Variants in BMPR1A observed in about 807,000 individuals in gnomAD.
BMPR1A encodes the protein bone morphogenetic protein receptor type 1A.
BMPR1A carries 7 observed loss-of-function variants against 66.0 expected under a neutral mutation model. That is an observed-to-expected ratio of 0.11 (90% CI 0.06 to 0.20). BMPR1A has a LOEUF of 0.20. Among genes scored for constraint, BMPR1A ranks in the 10% least tolerant of loss-of-function variants. The pLI, the probability that BMPR1A is intolerant of heterozygous loss-of-function variation, is 1.00. For synonymous variants in BMPR1A, 200 were observed against 229.7 expected (o/e 0.87, Z 1.17); for missense variants, 408 against 669.1 (o/e 0.61, Z 4.31).
chr10:86,846,579 T>A lies in BMPR1A; in HGVS notation c.-153+7600T>A, dbSNP rs140078045. 4.5e-3 allele frequency among the ~76,000 whole-genome samples: 686 copies of A among 152,226 alleles called. 4 individuals are homozygous for A. Among genetic ancestry groups the A allele is most frequent in the African/African-American group, 0.016 (650 of 41,522 alleles). ...AGCCGGGCATGGTGGTACATGCCTGTAATCCTAGCTACTCGGGAGGCTGAG... is the reference window on the plus strand; with the variant it reads ...AGCCGGGCATGGTGGTACATGCCTGAAATCCTAGCTACTCGGGAGGCTGAG... On this transcript the variant is annotated intron_variant, in intron 2 of 12. Transcript: ENST00000372037.
chr10:86,810,820 T>A (rs1363159697), intron 1 of BMPR1A, among the ~76,000 whole-genome samples: 1 of 152,244 alleles, frequency 6.6e-6, no homozygotes, highest in Admixed American at 6.5e-5. Flanking sequence ...ATCAGTTACA[T>A]GATTTACAAA....
At position 86,925,796 on chromosome 10, in the gene BMPR1A, C is replaced by T. The variant is rs909504755; in HGVS notation, c.*2077C>T. 3 of 146,612 alleles carry T rather than the reference C, an allele frequency of 2.0e-5. No homozygotes were observed. Among genetic ancestry groups the T allele is most frequent in the South Asian group, 2.4e-4 (1 of 4,230 alleles). 9.1% of individuals were successfully genotyped at this position (146,612 alleles called of 1,614,324 possible). On this transcript the variant is annotated 3_prime_UTR_variant, in exon 13 of 13. Transcript: ENST00000372037. The stretch of plus-strand genomic sequence containing the variant: ...ACTGCGGACTGCAGTGGCGCAATCT[C>T]GGCTCACTGCAAGCTCCGCTTCCCG...
chr10:86,896,495 A>G (rs897678091), intron 5 of BMPR1A, among the ~76,000 whole-genome samples: 27 of 152,192 alleles, frequency 1.8e-4, no homozygotes, highest in Non-Finnish European at 7.4e-5. Flanking sequence ...ACAGTTATAT[A>G]TTACTTTAGG....
chr10:86,872,615 T>C (rs1355686435), intron 2 of BMPR1A, among the ~76,000 whole-genome samples: 1 of 152,108 alleles, frequency 6.6e-6, no homozygotes, highest in African/African-American at 2.4e-5. Flanking sequence ...GCTATTATTT[T>C]ATATGAGTTC....
intron 4 of BMPR1A, among the ~76,000 whole-genome samples, chr10:86,890,774 T>A (rs1564715026): frequency 6.6e-6 from 1 of 152,186 alleles, no homozygotes; most frequent in Non-Finnish European, 1.5e-5. Flanking sequence ...CAGATATATA[T>A]AAATCATATT....
At chr10:86,891,036 G>A (rs1432543452) in intron 4 of BMPR1A, among the ~76,000 whole-genome samples, 3 of 152,154 alleles carry the variant, frequency 2.0e-5, no homozygotes, top group African/African-American at 7.2e-5. Flanking sequence ...AATAATGAAT[G>A]TCATGTTTTA....
At chr10:86,901,870 AT>A (rs1843315048) in intron 7 of BMPR1A, among the ~76,000 whole-genome samples, 1 of 149,378 alleles carries the variant, frequency 6.7e-6, no homozygotes. Context: ...TATTTTATTT[AT>A]TTATTTATTT....
chr10:86,846,899 A>G (rs1175424771), intron 2 of BMPR1A, among the ~76,000 whole-genome samples: 1 of 152,082 alleles, frequency 6.6e-6, no homozygotes, highest in Non-Finnish European at 1.5e-5. Flanking sequence ...TAAAGATACT[A>G]TTATTTTTTC....
At chr10:86,780,176 TTTGAG>T (rs1488813761) in intron 1 of BMPR1A, among the ~76,000 whole-genome samples, 1 of 152,194 alleles carries the variant, frequency 6.6e-6, no homozygotes, top group African/African-American at 2.4e-5. Context: ...TGTTGAGATG[TTTGAG>T]TTACTTGTAT....
chr10:86,837,335 G>T (rs149544051), intron 1 of BMPR1A, among the ~76,000 whole-genome samples: 1,537 of 151,724 alleles, frequency 0.01, 25 homozygotes, highest in African/African-American at 0.035. Context: ...CTCCCAAAGT[G>T]CTGGGATTAC....
At chr10:86,799,116 T>C (rs1841770106) in intron 1 of BMPR1A, among the ~76,000 whole-genome samples, 1 of 152,216 alleles carries the variant, frequency 6.6e-6, no homozygotes, top group Non-Finnish European at 1.5e-5. Flanking sequence ...TTTTAGCTGT[T>C]TTTTTCAAAG....
chr10:86,819,347 G>T (rs904274451), intron 1 of BMPR1A, among the ~76,000 whole-genome samples: 1 of 151,926 alleles, frequency 6.6e-6, no homozygotes, highest in Non-Finnish European at 1.5e-5. Flanking sequence ...GTCTCGCTCT[G>T]TCTCCCAGGC....
chr10:86,883,102 AG>A (rs1843013896), intron 3 of BMPR1A, among the ~76,000 whole-genome samples: 1 of 152,216 alleles, frequency 6.6e-6, no homozygotes. Context: ...CTGATGACCA[AG>A]GCTGTTTCCT....
chr10:86,872,883 G>A (rs571341813), intron 2 of BMPR1A, among the ~76,000 whole-genome samples: 1 of 152,254 alleles, frequency 6.6e-6, no homozygotes, highest in South Asian at 2.1e-4. Flanking sequence ...CAGGATTACA[G>A]CTGAGATTAC....
At chr10:86,893,827 ACC>A (rs1843190789) in intron 5 of BMPR1A, among the ~76,000 whole-genome samples, 1 of 152,138 alleles carries the variant, frequency 6.6e-6, no homozygotes, top group Non-Finnish European at 1.5e-5. Flanking sequence ...ATGGATAGAA[ACC>A]TTAAAGGTTA....
upstream of BMPR1A, chr10:86,756,400 C>G (rs1847862403): frequency 6.6e-6 from 1 of 151,918 alleles, no homozygotes; most frequent in Non-Finnish European, 1.5e-5. Flanking sequence ...GGCTGGCCCT[C>G]CTCCCCGGCA....
At chr10:86,893,796 AAAAG>A (rs1396555843) in intron 5 of BMPR1A, among the ~76,000 whole-genome samples, 1 of 151,944 alleles carries the variant, frequency 6.6e-6, no homozygotes, top group Non-Finnish European at 1.5e-5. Context: ...TCAAAAAAAA[AAAAG>A]AAAAGAAATT....
chr10:86,828,402 G>A (rs1000161852), intron 1 of BMPR1A, among the ~76,000 whole-genome samples: 4 of 152,118 alleles, frequency 2.6e-5, no homozygotes, highest in Admixed American at 1.3e-4. Flanking sequence ...GGGAAAAAAC[G>A]TAAAGGAAAG....
At chr10:86,770,833 G>C (rs1435510059) in intron 1 of BMPR1A, among the ~76,000 whole-genome samples, 1 of 152,216 alleles carries the variant, frequency 6.6e-6, no homozygotes, top group African/African-American at 2.4e-5. Flanking sequence ...TAGGGATAGA[G>C]AAACAATTGT....
Sources: allele counts gnomAD v4.1 joint callset (sites outside exome capture counted in the v4.1 genomes callset), GRCh38; gene constraint gnomAD v4.1.1; transcripts MANE v1.5; gene names NCBI Gene and HGNC (gene_info 2026-07-23, HGNC 2026-07-21).